Variants in SLC1A3 observed in about 807,000 individuals in gnomAD.
SLC1A3 encodes solute carrier family 1 member 3, also known as excitatory amino acid transporter 1.
In SLC1A3, 21 loss-of-function variants were observed where a neutral mutation model predicts 48.1. The observed-to-expected ratio is 0.44, with a 90% CI of 0.31 to 0.63. The LOEUF (loss-of-function observed/expected upper bound fraction) is 0.63, where lower values mean the gene tolerates loss of function less well. SLC1A3 is among the 20% of genes least tolerant of loss of function. The pLI is 0.08. For synonymous variants in SLC1A3, 239 were observed against 251.4 expected (o/e 0.95, Z 0.47); for missense variants, 546 against 689.0 (o/e 0.79, Z 2.32).
chr5:36,633,306 C>A (rs1299339908), intron 3 of SLC1A3, among the ~76,000 whole-genome samples: 2 of 152,102 alleles, frequency 1.3e-5, no homozygotes, highest in Admixed American at 6.6e-5. Context: ...GGTGTCACCC[C>A]AGTTTTCTGG....
At chr5:36,681,547 T>C (rs1284491024) in intron 8 of SLC1A3, among the ~76,000 whole-genome samples, 2 of 152,204 alleles carry the variant, frequency 1.3e-5, no homozygotes, top group Non-Finnish European at 2.9e-5. Context: ...TTTTTAACTA[T>C]TATATTTGAG....
chr5:36,665,832 G>A (rs558209791), intron 3 of SLC1A3, among the ~76,000 whole-genome samples: 6 of 152,246 alleles, frequency 3.9e-5, no homozygotes, highest in African/African-American at 1.4e-4. Flanking sequence ...ATTACATTCC[G>A]AGGCTATCAC....
upstream of SLC1A3, among the ~76,000 whole-genome samples, chr5:36,605,045 T>TTTAC (rs1378500165): frequency 4.6e-5 from 7 of 152,086 alleles, no homozygotes; most frequent in South Asian, 2.1e-4. Context: ...ATGTAAAAAC[T>TTTAC]AGTAATTGTG....
chr5:36,660,785 T>A (rs1018626375), intron 3 of SLC1A3, among the ~76,000 whole-genome samples: 3 of 152,234 alleles, frequency 2.0e-5, no homozygotes, highest in Admixed American at 1.3e-4. Flanking sequence ...AGCTTTTAAA[T>A]GCTGAGAAAA....
rs1741644132 is a variant in SLC1A3, at chr5:36,664,343, G to A, written c.320-6686G>A. 2.0e-5 allele frequency among the ~76,000 whole-genome samples: 3 copies of A among 152,064 alleles called. No individual in the cohort carries two copies. The South Asian group carries it at 6.2e-4, about 32-fold the overall frequency. ...AGACAGGGTTTCACTATGTTGGCCA[G>A]GCTGGTCTCGAACTCCTGACCTCCA... On this transcript the variant is annotated intron_variant, in intron 3 of 9. Transcript: ENST00000265113.
At chr5:36,608,912 A>G in intron 2 of SLC1A3, 1 of 1,086,346 alleles carries the variant, frequency 9.2e-7, no homozygotes, top group South Asian at 3.8e-5. Context: ...TAGGCATGAC[A>G]AAGCAAGCAT....
In SLC1A3 at chr5:36,686,192, G is replaced by A; in HGVS notation, c.1552G>A (p.Glu518Lys). ...GGGTAACTCAGTGATTGAAGAGAAT[G>A]AAATGAAGAAACCATATCAACTGAT... ...EMGNSVIEEN[E>K]MKKPYQLIAQ... The change falls in exon 10 of 10, where the codon GAA (glutamate) becomes AAA (lysine). Residue 518 changes from glutamate to lysine, a missense_variant. Transcript: ENST00000265113. 1 of 1,614,160 alleles carries A rather than the reference G, an allele frequency of 6.2e-7. No homozygotes were observed. Among genetic ancestry groups the A allele is most frequent in the Non-Finnish European group, 8.5e-7 (1 of 1,179,972 alleles).
At chr5:36,612,924 G>A (rs900569594) in intron 2 of SLC1A3, 3 of 442,450 alleles carry the variant, frequency 6.8e-6, no homozygotes, top group Admixed American at 4.9e-5. Context: ...CGGAAGAGAT[G>A]GAAAAGAGAG....
At position 36,677,108 on chromosome 5, in the gene SLC1A3, G is replaced by A. The variant is rs1412096735; in HGVS notation, c.784G>A (p.Glu262Lys). The A allele has an allele frequency of 6.2e-7, 1 of 1,614,126 alleles. No individual in the cohort carries two copies. The highest frequency in any genetic ancestry group is 8.5e-7 in the Non-Finnish European group (1 of 1,179,956). Residue 262 changes from glutamate (E) to lysine (K), a missense_variant, in exon 6 of 10, where the codon GAA becomes AAA. Physicochemically the swap from Glu to Lys is moderately conservative, Grantham distance 56 (BLOSUM62 1). Coordinates refer to ENST00000265113, the MANE Select transcript of SLC1A3 (RefSeq NM_004172.5). Reference protein sequence around the residue: ...CFGFVIGNMKEQGQALREFFD... With the variant: ...CFGFVIGNMKKQGQALREFFD... ...CGGTTTTGTGATTGGAAACATGAAGGAACAGGGGCAGGCCCTGAGAGAGTT... is the reference window on the plus strand; with the variant it reads ...CGGTTTTGTGATTGGAAACATGAAGAAACAGGGGCAGGCCCTGAGAGAGTT...
chr5:36,673,393 C>T (rs1742075943), intron 4 of SLC1A3, among the ~76,000 whole-genome samples: 1 of 152,174 alleles, frequency 6.6e-6, no homozygotes, highest in South Asian at 2.1e-4. Flanking sequence ...CAGCTGATGA[C>T]AGACTTCCCA....
chr5:36,625,365 T>C (rs1157360517), intron 2 of SLC1A3, among the ~76,000 whole-genome samples: 2 of 152,084 alleles, frequency 1.3e-5, no homozygotes, highest in African/African-American at 4.8e-5. Context: ...GGCTGAGGCA[T>C]GAGAATTGCT....
At chr5:36,603,933 T>G (rs1164320627), upstream of SLC1A3, among the ~76,000 whole-genome samples, 4 of 152,168 alleles carry the variant, frequency 2.6e-5, no homozygotes, top group Admixed American at 6.5e-5. Context: ...AAAATCCAAT[T>G]AACCAAAATT....
intron 3 of SLC1A3, among the ~76,000 whole-genome samples, chr5:36,652,674 A>G (rs1741132244): frequency 1.3e-5 from 2 of 152,180 alleles, no homozygotes; most frequent in Admixed American, 1.3e-4. Context: ...AAGTAACCCA[A>G]TATATCTATG....
chr5:36,676,458 C>T (rs1169759730), intron 5 of SLC1A3, among the ~76,000 whole-genome samples: 4 of 152,126 alleles, frequency 2.6e-5, no homozygotes, highest in African/African-American at 9.7e-5. Flanking sequence ...TCTATTATAC[C>T]ATAGCATGAT....
chr5:36,675,770 G>A (rs1285170484), intron 5 of SLC1A3, among the ~76,000 whole-genome samples: 1 of 152,196 alleles, frequency 6.6e-6, no homozygotes, highest in African/African-American at 2.4e-5. Context: ...TCATGAATGT[G>A]TCCATAGTAT....
At chr5:36,665,995 GA>G (rs1344213880) in intron 3 of SLC1A3, among the ~76,000 whole-genome samples, 2 of 152,166 alleles carry the variant, frequency 1.3e-5, no homozygotes, top group Admixed American at 1.3e-4. Context: ...GGGGCCAGAA[GA>G]AAATATTTTT....
At chr5:36,612,998 ACCAATGG>A (rs1441912791) in intron 2 of SLC1A3, 2 of 360,130 alleles carry the variant, frequency 5.6e-6, no homozygotes, top group East Asian at 1.7e-4. Flanking sequence ...TGGACTGCAG[ACCAATGG>A]CCCGCTTTCT....
intron 3 of SLC1A3, among the ~76,000 whole-genome samples, chr5:36,646,035 T>G (rs1740827654): frequency 6.6e-6 from 1 of 152,244 alleles, no homozygotes; most frequent in Non-Finnish European, 1.5e-5. Context: ...TACAAGACAT[T>G]CCTTTTGTTC....
In SLC1A3 at chr5:36,676,973, G is replaced by C; in HGVS notation, c.649G>C (p.Val217Leu). The C allele has an allele frequency of 6.2e-7, 1 of 1,614,058 alleles. No individual in the cohort carries two copies. The highest frequency in any genetic ancestry group is 8.5e-7 in the Non-Finnish European group (1 of 1,179,938). ...GCTTGTGGGTGCTGTGATAAACAAT[G>C]TGTCTGAGGCCATGGAGACTCTTAC... ...ETLVGAVINN[V>L]SEAMETLTRI... The change falls in exon 6 of 10, where the codon GTG becomes CTG. Residue 217 changes from valine (V) to leucine (L), a missense_variant. Physicochemically the swap from Val to Leu is conservative, Grantham distance 32. This residue lies in a region of SLC1A3 where 348 missense variants were observed against 392.0 expected (regional missense o/e 0.89). Transcript: ENST00000265113.
Sources: allele counts gnomAD v4.1 joint callset (sites outside exome capture counted in the v4.1 genomes callset), GRCh38; gene constraint gnomAD v4.1.1; regional missense constraint gnomAD v4.1.1; transcripts MANE v1.5; gene names NCBI Gene and HGNC (gene_info 2026-07-23, HGNC 2026-07-21).